Variants in PCDHA2 observed in about 807,000 individuals in gnomAD.
PCDHA2 encodes the protein protocadherin alpha 2.
PCDHA2 carries 58 observed loss-of-function variants against 66.0 expected under a neutral mutation model. The observed-to-expected ratio is 0.88, with a 90% CI of 0.71 to 1.09. The LOEUF is 1.09. PCDHA2 is among the 50% of genes least tolerant of loss of function. The pLI is 0.00. For synonymous variants in PCDHA2, 634 were observed against 554.0 expected (o/e 1.14, Z -2.03); for missense variants, 1,267 against 1,242.3 (o/e 1.02, Z -0.30).
intron 1 of PCDHA2, chr5:140,829,111 T>G: frequency 6.2e-7 from 1 of 1,612,018 alleles, no homozygotes; most frequent in Non-Finnish European, 8.5e-7. Flanking sequence ...TAGTGAGAAT[T>G]TTGGATAAAA....
At chr5:140,871,010 TGG>T in intron 1 of PCDHA2, 1 of 1,613,348 alleles carries the variant, frequency 6.2e-7, no homozygotes, top group South Asian at 1.1e-5. Context: ...ACGCGTGCCC[TGG>T]ACGAGGCAGA....
Position 140,857,494 on chromosome 5 carries a change from C to A in PCDHA2, c.2388+60142C>A, listed in dbSNP as rs189056024. Reference sequence around the variant, plus strand: ...TCACGGTGTCTGCGTGGGACGCGGACGCGCAGGAGAACGCCCTGGTGTCCT... The same window carrying A: ...TCACGGTGTCTGCGTGGGACGCGGAAGCGCAGGAGAACGCCCTGGTGTCCT... On this transcript the variant is annotated intron_variant, in intron 1 of 3. Coordinates refer to ENST00000526136, the MANE Select transcript of PCDHA2 (RefSeq NM_018905.3). 3.8e-5 allele frequency: 60 copies of A among 1,598,330 alleles called. 2 individuals are homozygous for A. In the East Asian group the frequency reaches 1.2e-3, roughly 32 times the overall value.
rs1554124633 is a variant in PCDHA2, at chr5:140,808,555, G to T, written c.2388+11203G>T. ...TGAACGACAACGCTCCGGCGTTCGC[G>T]CAGCCCGAGTACACAGTGTTCGTGA... On this transcript the variant is annotated intron_variant, in intron 1 of 3. Coordinates refer to ENST00000526136, the MANE Select transcript of PCDHA2 (RefSeq NM_018905.3). 3 of 1,614,096 alleles carry T rather than the reference G, an allele frequency of 1.9e-6. No homozygotes were observed. In the South Asian group the frequency reaches 3.3e-5, roughly 18 times the overall value.
At chr5:140,830,276 G>T (rs782590903) in intron 1 of PCDHA2, 2 of 1,613,712 alleles carry the variant, frequency 1.2e-6, no homozygotes, top group Non-Finnish European at 1.7e-6. Context: ...GCCACCCACC[G>T]AGGGCGCGTG....
At position 140,868,867 on chromosome 5, in the gene PCDHA2, G is replaced by A. The variant is rs532271305; in HGVS notation, c.2388+71515G>A. ...GAAATTCTGTGGTGGTAAATGCAGT[G>A]CACAGTACTCACAGTTTTAGGCGCA... On this transcript the variant is annotated intron_variant, in intron 1 of 3. Coordinates refer to ENST00000526136, the MANE Select transcript of PCDHA2 (RefSeq NM_018905.3). The A allele has an allele frequency of 2.8e-4, 173 of 611,220 alleles. 1 individual carries two copies. In the South Asian group the frequency reaches 3.9e-3, roughly 14 times the overall value. 37.9% of individuals were successfully genotyped at this position (611,220 alleles called of 1,614,324 possible).
chr5:140,871,607 AT>A, intron 1 of PCDHA2: 1 of 1,438,710 alleles, frequency 7.0e-7, no homozygotes. Flanking sequence ...AGTGTTTTGA[AT>A]ATTGTTTTAG....
intron 1 of PCDHA2, among the ~76,000 whole-genome samples, chr5:140,872,606 A>AT (rs1302987061): frequency 6.6e-6 from 1 of 151,888 alleles, no homozygotes; most frequent in Non-Finnish European, 1.5e-5. Context: ...TGAAAAAATA[A>AT]TTTTTTTTGC....
intron 1 of PCDHA2, among the ~76,000 whole-genome samples, chr5:140,921,063 T>G (rs1054649837): frequency 6.6e-6 from 1 of 152,078 alleles, no homozygotes; most frequent in Admixed American, 6.6e-5. Context: ...CACTCTAACC[T>G]TGAACTCTTG....
At chr5:140,828,115 A>G (rs2150151163) in intron 1 of PCDHA2, 1 of 1,612,394 alleles carries the variant, frequency 6.2e-7, no homozygotes, top group Non-Finnish European at 8.5e-7. Flanking sequence ...CGGAGGATAG[A>G]TTGGGAAAGC....
intron 1 of PCDHA2, among the ~76,000 whole-genome samples, chr5:140,887,714 T>C (rs772328025): frequency 6.6e-6 from 1 of 152,220 alleles, no homozygotes; most frequent in Admixed American, 6.5e-5. Flanking sequence ...CTTCTTCTAA[T>C]AGTTTTTTCT....
At position 141,012,179 on chromosome 5, in the gene PCDHA2, T is replaced by C. The variant is rs2098423152; in HGVS notation, c.*2242T>C. ...GGGCTAATTTATTAATGATGATAAT[T>C]ATAATGTATCTGTACAGCACTTTTT... is the stretch of plus-strand genomic sequence containing the variant. On this transcript the variant is annotated 3_prime_UTR_variant, in exon 4 of 4. Coordinates refer to ENST00000526136, the MANE Select transcript of PCDHA2 (RefSeq NM_018905.3). 1 of 153,764 alleles carries C rather than the reference T, an allele frequency of 6.5e-6. No individual in the cohort carries two copies. Among genetic ancestry groups the C allele is most frequent in the South Asian group, 2.1e-4 (1 of 4,828 alleles). 9.5% of individuals were successfully genotyped at this position (153,764 alleles called of 1,614,324 possible). A position where few individuals can be genotyped will look rare whatever the true frequency, so the allele number is the denominator to read the frequency against.
intron 1 of PCDHA2, chr5:140,814,565 T>C (rs2150036613): frequency 6.6e-6 from 1 of 152,332 alleles, no homozygotes; most frequent in South Asian, 2.1e-4. Flanking sequence ...TATCAAGTAT[T>C]ATGTACTGTA....
At chr5:140,945,243 A>G (rs1554216829) in intron 1 of PCDHA2, among the ~76,000 whole-genome samples, 1 of 152,166 alleles carries the variant, frequency 6.6e-6, no homozygotes, top group Admixed American at 6.5e-5. Flanking sequence ...AATTTAACCA[A>G]GAGGATGAAA....
chr5:140,808,455 T>C, intron 1 of PCDHA2: 1 of 1,614,220 alleles, frequency 6.2e-7, no homozygotes. Context: ...GCCTATGAGC[T>C]GGTGGTGACC....
intron 1 of PCDHA2, among the ~76,000 whole-genome samples, chr5:140,953,309 G>A (rs563699783): frequency 1.3e-5 from 2 of 152,220 alleles, no homozygotes; most frequent in East Asian, 1.9e-4. Flanking sequence ...AGAGATGTGG[G>A]AAGAATTTGA....
At chr5:140,819,168 A>T (rs1217280072) in intron 1 of PCDHA2, among the ~76,000 whole-genome samples, 1 of 152,214 alleles carries the variant, frequency 6.6e-6, no homozygotes, top group African/African-American at 2.4e-5. Context: ...TTAATTTTTG[A>T]AGAATCAAAT....
intron 1 of PCDHA2, chr5:140,966,610 C>A: frequency 1.4e-6 from 1 of 715,490 alleles, no homozygotes; most frequent in Non-Finnish European, 2.1e-6. Context: ...CTTGGGAGGG[C>A]CTACGGAGGG....
intron 1 of PCDHA2, among the ~76,000 whole-genome samples, chr5:140,976,116 A>G (rs781948908): frequency 1.2e-4 from 18 of 152,224 alleles, no homozygotes; most frequent in Non-Finnish European, 2.6e-4. Flanking sequence ...AATTTTTCCA[A>G]GTTTAATCAA....
At chr5:140,842,698 G>A (rs782455331) in intron 1 of PCDHA2, 1 of 1,595,366 alleles carries the variant, frequency 6.3e-7, no homozygotes, top group South Asian at 1.1e-5. Flanking sequence ...CGCAGCCCGA[G>A]TACACGGTGT....
Sources: gnomAD v4.1 joint callset for allele counts (sites outside exome capture counted in the v4.1 genomes callset) on GRCh38, gnomAD v4.1.1 for gene constraint, MANE v1.5 for transcripts, NCBI Gene and HGNC (gene_info 2026-07-23, HGNC 2026-07-21) for gene names.